The following RBM20 variants were observed in gnomAD, a reference collection of about 807,000 sequenced individuals.
RBM20 encodes RNA binding motif protein 20, also known as RNA-binding protein 20.
A neutral mutation model predicts 110.1 loss-of-function variants in RBM20; 51 were observed. The observed-to-expected ratio is 0.46, with a 90% CI of 0.37 to 0.59. The LOEUF (loss-of-function observed/expected upper bound fraction) is 0.59. Among genes scored for constraint, RBM20 ranks in the 20% least tolerant of loss-of-function variants. The probability of loss-of-function intolerance (pLI) is 0.00; values close to 1 mark genes in which losing one functional copy is unlikely to be tolerated. For synonymous variants in RBM20, 589 were observed against 618.2 expected (o/e 0.95, Z 0.70); for missense variants, 1,512 against 1,574.9 (o/e 0.96, Z 0.68).
rs115820816 is a variant in RBM20, at chr10:110,716,943, A to G, written c.192-63858A>G. Among the ~76,000 whole-genome samples the G allele has an allele frequency of 3.9e-3, 588 of 152,268 alleles. 4 individuals carry two copies. The highest frequency in any genetic ancestry group is 0.013 in the African/African-American group (550 of 41,556). ...AAAAAGAAAAAAAAAAAAGATTTAA[A>G]ACATGGAAAATTTGAATTTACAACT... On this transcript the variant is annotated intron_variant, in intron 1 of 13. Transcript: ENST00000369519.
At chr10:110,816,825 T>G (rs1181161364) in intron 9 of RBM20, among the ~76,000 whole-genome samples, 1 of 152,210 alleles carries the variant, frequency 6.6e-6, no homozygotes, top group Non-Finnish European at 1.5e-5. Context: ...AGACCCTGCT[T>G]TCTTCTGCCT....
At chr10:110,721,175 A>G (rs1843500353) in intron 1 of RBM20, among the ~76,000 whole-genome samples, 1 of 152,140 alleles carries the variant, frequency 6.6e-6, no homozygotes, top group Non-Finnish European at 1.5e-5. Context: ...CCTCAGCACT[A>G]AGCATTGCCT....
At chr10:110,651,281 A>G (rs545753824) in intron 1 of RBM20, among the ~76,000 whole-genome samples, 5 of 152,372 alleles carry the variant, frequency 3.3e-5, no homozygotes, top group African/African-American at 1.2e-4. Flanking sequence ...CTGATCACCC[A>G]TGAATACAAC....
chr10:110,678,577 C>T (rs572615097), intron 1 of RBM20, among the ~76,000 whole-genome samples: 305 of 152,236 alleles, frequency 2.0e-3, no homozygotes, highest in Non-Finnish European at 3.1e-3. Flanking sequence ...TGTGCAAGGC[C>T]GGGGGAGTCT....
At chr10:110,687,995 T>TTG (rs60479740) in intron 1 of RBM20, among the ~76,000 whole-genome samples, 3,198 of 145,442 alleles carry the variant, frequency 0.022, 47 homozygotes, top group Middle Eastern at 0.035. Context: ...CTAAATGGTT[T>TTG]TGTGTGTGTG....
intron 5 of RBM20, among the ~76,000 whole-genome samples, chr10:110,795,919 G>A (rs765091400): frequency 3.3e-5 from 5 of 152,164 alleles, no homozygotes; most frequent in African/African-American, 4.8e-5. Flanking sequence ...GGTGGGGGTC[G>A]TGCCAGGGTG....
At chr10:110,779,401 C>G (rs1228673737) in intron 1 of RBM20, among the ~76,000 whole-genome samples, 1 of 152,220 alleles carries the variant, frequency 6.6e-6, no homozygotes, top group Non-Finnish European at 1.5e-5. Context: ...GAGCTCTGTA[C>G]CCCTTCCCAA....
intron 1 of RBM20, among the ~76,000 whole-genome samples, chr10:110,654,233 C>A (rs1275516787): frequency 6.6e-6 from 1 of 152,176 alleles, no homozygotes; most frequent in Non-Finnish European, 1.5e-5. Flanking sequence ...CTTTAGAATG[C>A]ATGAGTTTGG....
chr10:110,808,432 C>T (rs1156932218), intron 7 of RBM20, among the ~76,000 whole-genome samples: 1 of 152,174 alleles, frequency 6.6e-6, no homozygotes, highest in African/African-American at 2.4e-5. Context: ...ATGGGCTTTA[C>T]AGAGGGTTGA....
chr10:110,653,222 C>T (rs1861976598), intron 1 of RBM20, among the ~76,000 whole-genome samples: 1 of 152,178 alleles, frequency 6.6e-6, no homozygotes, highest in South Asian at 2.1e-4. Flanking sequence ...ACTCCCAAGC[C>T]AGTTATAGGA....
intron 7 of RBM20, among the ~76,000 whole-genome samples, chr10:110,809,232 A>AAAAAAAAAAAAAAAAAAAAAAAAAT (rs1844733882): frequency 6.7e-6 from 1 of 149,204 alleles, no homozygotes; most frequent in Non-Finnish European, 1.5e-5. Flanking sequence ...AAAAAAAAAA[A>AAAAAAAAAAAAAAAAAAAAAAAAAT]TTGCATGATT....
At chr10:110,706,791 T>C (rs1298688912) in intron 1 of RBM20, among the ~76,000 whole-genome samples, 1 of 152,226 alleles carries the variant, frequency 6.6e-6, no homozygotes. Flanking sequence ...CAAATCACTT[T>C]CCTTTTCTTT....
intron 11 of RBM20, 29 bp from the exon 12 acceptor site, chr10:110,823,451 T>TCTTTGTTC: frequency 9.5e-7 from 1 of 1,047,922 alleles, no homozygotes; most frequent in Non-Finnish European, 1.2e-6. Context: ...TTTTTTTTTT[T>TCTTTGTTC]TTTTTTTGCC....
chr10:110,766,977 G>C (rs1301352252), intron 1 of RBM20, among the ~76,000 whole-genome samples: 1 of 147,614 alleles, frequency 6.8e-6, no homozygotes, highest in Admixed American at 6.7e-5. Context: ...CTCCCTCCCG[G>C]ACGGGGCGGC....
At chr10:110,691,470 C>G (rs1209229322) in intron 1 of RBM20, among the ~76,000 whole-genome samples, 6 of 152,118 alleles carry the variant, frequency 3.9e-5, no homozygotes, top group Admixed American at 6.5e-5. Context: ...TTATGGCCAT[C>G]CTAGTAGGTG....
intron 7 of RBM20, among the ~76,000 whole-genome samples, chr10:110,801,210 C>T (rs570427428): frequency 1.6e-3 from 238 of 152,186 alleles, no homozygotes; most frequent in Non-Finnish European, 2.7e-3. Context: ...GGGTGGATCA[C>T]GAGGTCAGGG....
At chr10:110,771,155 T>C (rs887391384) in intron 1 of RBM20, among the ~76,000 whole-genome samples, 3 of 151,746 alleles carry the variant, frequency 2.0e-5, no homozygotes, top group Non-Finnish European at 4.4e-5. Context: ...TTTTTTTTGG[T>C]TTTTTTTGTG....
chr10:110,643,464 C>G (rs367757241), upstream of RBM20, among the ~76,000 whole-genome samples: 141 of 152,336 alleles, frequency 9.3e-4, 5 homozygotes, highest in South Asian at 0.029. Flanking sequence ...GACGGGCGCA[C>G]GCGGGCGCCA....
At chr10:110,724,582 CAA>C (rs1349429549) in intron 1 of RBM20, among the ~76,000 whole-genome samples, 1 of 152,138 alleles carries the variant, frequency 6.6e-6, no homozygotes, top group African/African-American at 2.4e-5. Context: ...CTTCTCCCCA[CAA>C]AGAGTCACCT....
Sources: gnomAD v4.1 joint callset for allele counts (sites outside exome capture counted in the v4.1 genomes callset) on GRCh38, gnomAD v4.1.1 for gene constraint, MANE v1.5 for transcripts, NCBI Gene and HGNC (gene_info 2026-07-23, HGNC 2026-07-21) for gene names.